The following VRTN variants were observed in gnomAD, a reference collection of about 807,000 sequenced individuals.
The protein encoded by VRTN is vertnin.
VRTN carries 5 observed loss-of-function variants against 18.2 expected under a neutral mutation model. The observed-to-expected ratio is 0.27, with a 90% CI of 0.14 to 0.58. The LOEUF (loss-of-function observed/expected upper bound fraction) is 0.58. Among genes scored for constraint, VRTN ranks in the 20% least tolerant of loss-of-function variants. VRTN has a pLI of 0.91. For missense variants in VRTN, 741 were observed against 939.4 expected (o/e 0.79, Z 2.76); for synonymous variants, 381 against 393.7 (o/e 0.97, Z 0.38).
chr14:74,329,045 C>T (rs1183993666), intron 1 of VRTN, among the ~76,000 whole-genome samples: 3 of 151,602 alleles, frequency 2.0e-5, no homozygotes, highest in African/African-American at 7.3e-5. Context: ...CCGAGGAGGG[C>T]GGATCACCTG....
chr14:74,334,076 C>T (rs1209449650), intron 1 of VRTN, among the ~76,000 whole-genome samples: 2 of 152,116 alleles, frequency 1.3e-5, no homozygotes, highest in African/African-American at 4.8e-5. Context: ...AAGTGGCTCA[C>T]CCAGGCAATG....
rs187703573 is a variant in VRTN at position 74,355,612 on chromosome 14, G to A, written c.-1-1171G>A. 1.4e-3 allele frequency among the ~76,000 whole-genome samples: 215 copies of A among 152,204 alleles called. 1 individual carries two copies. Among genetic ancestry groups the A allele is most frequent in the Non-Finnish European group, 2.6e-3 (175 of 67,998 alleles). On this transcript the variant is annotated intron_variant, in intron 1 of 1. Transcript: ENST00000256362. Reference sequence around the variant, plus strand: ...CACAGTGGCATGATCTCTACTCAGTGCGGCCTCCACCTCCCAAGTTCAAGT... The same window carrying A: ...CACAGTGGCATGATCTCTACTCAGTACGGCCTCCACCTCCCAAGTTCAAGT...
rs151023866 is a variant in VRTN, at chr14:74,354,386, C to T, written c.-1-2397C>T. Reference sequence around the variant, plus strand: ...AAACCATATCCATGAACTTTTTGTACCCTGTTATATTAAAATCCATGGGTC... The same window carrying T: ...AAACCATATCCATGAACTTTTTGTATCCTGTTATATTAAAATCCATGGGTC... On this transcript the variant is annotated intron_variant, in intron 1 of 1. Transcript: ENST00000256362. Among the ~76,000 whole-genome samples, 1,069 of 151,436 alleles carry T rather than the reference C, an allele frequency of 7.1e-3. 13 individuals are homozygous for T. The highest frequency in any genetic ancestry group is 0.024 in the African/African-American group (995 of 41,286).
At chr14:74,353,270 T>C (rs80204707) in intron 1 of VRTN, among the ~76,000 whole-genome samples, 193 of 152,158 alleles carry the variant, frequency 1.3e-3, no homozygotes, top group Middle Eastern at 6.8e-3. Flanking sequence ...GCCTGGGTGA[T>C]AGAGTGAGAT....
intron 1 of VRTN, among the ~76,000 whole-genome samples, chr14:74,329,262 C>G (rs2085506560): frequency 1.4e-5 from 2 of 142,228 alleles, no homozygotes; most frequent in South Asian, 4.8e-4. Context: ...GCGACAAGAG[C>G]AAAACTCCAT....
intron 1 of VRTN, among the ~76,000 whole-genome samples, chr14:74,349,677 T>G (rs1238543698): frequency 6.6e-6 from 1 of 152,122 alleles, no homozygotes; most frequent in Non-Finnish European, 1.5e-5. Flanking sequence ...CCTGGCTCAC[T>G]CTTAAGACGC....
Position 74,327,702 on chromosome 14 carries a change from GATTTT to G in VRTN, c.-163-10012_-163-10008del, listed in dbSNP as rs576291910. Among the ~76,000 whole-genome samples, 457 of 152,040 alleles carry G rather than the reference GATTTT, an allele frequency of 3.0e-3. 2 individuals carry two copies. Among genetic ancestry groups the G allele is most frequent in the African/African-American group, 0.01 (415 of 41,432 alleles). On this transcript the variant is annotated intron_variant, in intron 1 of 2. Coordinates refer to the VRTN transcript ENST00000557177. ...ATTTCAGACAACATAAGCACTGGTT[GATTTT>G]ATTTTATTATTATTATTATTATTAT... is the stretch of plus-strand genomic sequence containing the variant.
intron 1 of VRTN, among the ~76,000 whole-genome samples, chr14:74,311,534 C>A (rs4477617): frequency 3.0e-3 from 460 of 151,990 alleles, no homozygotes; most frequent in African/African-American, 0.011. Flanking sequence ...TACTCCCTCC[C>A]AAGTAGCTGG....
chr14:74,312,166 C>T (rs926682287), intron 1 of VRTN, among the ~76,000 whole-genome samples: 1 of 152,212 alleles, frequency 6.6e-6, no homozygotes, highest in Non-Finnish European at 1.5e-5. Flanking sequence ...ACTGTCTCTA[C>T]AGAGGAACTA....
At chr14:74,312,793 G>T (rs758549762) in intron 1 of VRTN, among the ~76,000 whole-genome samples, 16 of 138,656 alleles carry the variant, frequency 1.2e-4, no homozygotes, top group Non-Finnish European at 2.1e-4. Context: ...TCGCTCTGGC[G>T]CCCAGGCTGG....
chr14:74,328,843 C>A (rs560677812), intron 1 of VRTN, among the ~76,000 whole-genome samples: 3 of 151,564 alleles, frequency 2.0e-5, no homozygotes, highest in African/African-American at 7.3e-5. Context: ...ACTAAAAATA[C>A]AAAAATTGGG....
upstream of VRTN, among the ~76,000 whole-genome samples, chr14:74,344,470 C>T (rs2085629755): frequency 2.0e-5 from 3 of 147,950 alleles, no homozygotes; most frequent in African/African-American, 7.5e-5. Context: ...TGGTGGCTCA[C>T]ACCTGTAATC....
chr14:74,318,207 G>T (rs1435065130), intron 1 of VRTN, among the ~76,000 whole-genome samples: 1 of 151,722 alleles, frequency 6.6e-6, no homozygotes, highest in East Asian at 1.9e-4. Context: ...AGGTTCAAGG[G>T]ATTCTCCTGC....
chr14:74,359,396 A>G lies in VRTN; in HGVS notation c.*504A>G, dbSNP rs936965627. ...TCCCAAAGGAACATTAGGCTCGAATATGGGGGCCAGGTGTGGTGGCTTATG... is the reference window on the plus strand; with the variant it reads ...TCCCAAAGGAACATTAGGCTCGAATGTGGGGGCCAGGTGTGGTGGCTTATG... On this transcript the variant is annotated 3_prime_UTR_variant, in exon 2 of 2. Transcript: ENST00000256362. The G allele has an allele frequency of 5.9e-6, 1 of 168,372 alleles. No homozygotes were observed. Among genetic ancestry groups the G allele is most frequent in the Non-Finnish European group, 1.4e-5 (1 of 69,174 alleles). 10.4% of individuals were successfully genotyped at this position (168,372 alleles called of 1,614,324 possible).
chr14:74,304,624 A>G (rs2085303534), intron 1 of VRTN, among the ~76,000 whole-genome samples: 1 of 152,120 alleles, frequency 6.6e-6, no homozygotes, highest in South Asian at 2.1e-4. Context: ...TGCCGGTGGC[A>G]TTCCTTCTGA....
At chr14:74,340,383 A>C (rs1405362027) in intron 2 of VRTN, among the ~76,000 whole-genome samples, 1 of 152,006 alleles carries the variant, frequency 6.6e-6, no homozygotes, top group African/African-American at 2.4e-5. Flanking sequence ...AAGTGCTGGG[A>C]TTACAGGCGT....
chr14:74,304,475 T>C (rs895699104), intron 1 of VRTN, among the ~76,000 whole-genome samples: 4 of 152,162 alleles, frequency 2.6e-5, no homozygotes, highest in African/African-American at 9.7e-5. Flanking sequence ...CTTTATGAAG[T>C]GCTATGACAA....
At chr14:74,327,445 G>A (rs530961992) in intron 1 of VRTN, among the ~76,000 whole-genome samples, 27 of 152,284 alleles carry the variant, frequency 1.8e-4, no homozygotes, top group African/African-American at 6.3e-4. Flanking sequence ...CTATGATCCT[G>A]CCCTTTCCTG....
upstream of VRTN, among the ~76,000 whole-genome samples, chr14:74,346,192 C>T (rs1418927320): frequency 6.6e-6 from 1 of 151,666 alleles, no homozygotes; most frequent in African/African-American, 2.4e-5. Context: ...TGTCCCAGCT[C>T]CTCGGGAGGC....
Sources: gnomAD v4.1 joint callset for allele counts (sites outside exome capture counted in the v4.1 genomes callset) on GRCh38, gnomAD v4.1.1 for gene constraint, MANE v1.5 for transcripts, NCBI Gene and HGNC (gene_info 2026-07-23, HGNC 2026-07-21) for gene names.